Variants in ARHGEF4 observed in about 807,000 individuals in gnomAD.
The protein encoded by ARHGEF4 is Rho guanine nucleotide exchange factor 4.
A neutral mutation model predicts 162.0 loss-of-function variants in ARHGEF4; 119 were observed. The ratio of observed to expected loss-of-function variants is 0.73; its 90% CI spans 0.63 to 0.86. ARHGEF4 has a LOEUF of 0.86. Ranked by LOEUF, ARHGEF4 falls within the 40% of genes least tolerant of loss-of-function variation. The probability of loss-of-function intolerance (pLI) is 0.00; values close to 1 mark genes in which losing one functional copy is unlikely to be tolerated. For synonymous variants in ARHGEF4, 1,014 were observed against 979.9 expected, an observed-to-expected ratio of 1.03 and a Z score of -0.65; for missense variants, 2,488 against 2,456.0, an observed-to-expected ratio of 1.01 and a Z score of -0.28.
intron 4 of ARHGEF4, among the ~76,000 whole-genome samples, chr2:130,954,704 T>G (rs1427236569): frequency 6.6e-6 from 1 of 152,224 alleles, no homozygotes; most frequent in Non-Finnish European, 1.5e-5. Flanking sequence ...TATTCTCTTT[T>G]AGGATATTCC....
intron 4 of ARHGEF4, among the ~76,000 whole-genome samples, chr2:131,027,725 A>C (rs1027909301): frequency 6.6e-6 from 1 of 152,128 alleles, no homozygotes; most frequent in African/African-American, 2.4e-5. Context: ...AGACTGGGTG[A>C]TGGGTGACTA....
At chr2:130,963,710 C>T (rs1278393146) in intron 4 of ARHGEF4, 2 of 146,236 alleles carry the variant, frequency 1.4e-5, no homozygotes, top group South Asian at 4.2e-4. Flanking sequence ...CTGGGGTCGC[C>T]GTTGAGGCTC....
chr2:130,976,227 A>G (rs1013144056), intron 4 of ARHGEF4, among the ~76,000 whole-genome samples: 5 of 152,118 alleles, frequency 3.3e-5, no homozygotes, highest in Non-Finnish European at 5.9e-5. Context: ...AAGAGGGAAA[A>G]GGGATCCATG....
At chr2:130,951,709 A>G (rs1257986251) in intron 4 of ARHGEF4, among the ~76,000 whole-genome samples, 2 of 151,954 alleles carry the variant, frequency 1.3e-5, no homozygotes, top group Non-Finnish European at 2.9e-5. Flanking sequence ...TTTGTTTTTA[A>G]TGGTAGCTTT....
intron 4 of ARHGEF4, among the ~76,000 whole-genome samples, chr2:130,958,550 C>G (rs1684437549): frequency 6.6e-6 from 1 of 152,044 alleles, no homozygotes; most frequent in South Asian, 2.1e-4. Flanking sequence ...GCTGGGATTA[C>G]AGGTGTGTGC....
At chr2:131,022,670 A>C (rs1218585255) in intron 4 of ARHGEF4, among the ~76,000 whole-genome samples, 3 of 146,490 alleles carry the variant, frequency 2.0e-5, no homozygotes, top group Admixed American at 6.8e-5. Flanking sequence ...AAAAAAAAAA[A>C]ACAAAAACCC....
At chr2:130,892,416 C>A (rs1046689297) in intron 1 of ARHGEF4, among the ~76,000 whole-genome samples, 5 of 152,218 alleles carry the variant, frequency 3.3e-5, no homozygotes, top group African/African-American at 1.2e-4. Context: ...AGACTGCCCC[C>A]ACTTCAGACC....
At chr2:130,925,699 T>C (rs1179180755) in intron 2 of ARHGEF4, among the ~76,000 whole-genome samples, 1 of 152,212 alleles carries the variant, frequency 6.6e-6, no homozygotes, top group African/African-American at 2.4e-5. Context: ...AAAATGTTTT[T>C]CTCTTATAAG....
chr2:130,985,014 C>A (rs1186253106), intron 4 of ARHGEF4, among the ~76,000 whole-genome samples: 2 of 152,076 alleles, frequency 1.3e-5, no homozygotes, highest in South Asian at 4.1e-4. Flanking sequence ...AGGGTGCTCC[C>A]CCATCAAGCT....
chr2:131,040,178 C>A lies in ARHGEF4; in HGVS notation c.4468C>A (p.Arg1490Ser). 2 of 1,610,640 alleles carry A rather than the reference C, an allele frequency of 1.2e-6. No individual in the cohort carries two copies. Among genetic ancestry groups the A allele is most frequent in the Non-Finnish European group, 1.7e-6 (2 of 1,177,826 alleles). The change falls in exon 7 of 14, where the codon CGC (arginine) becomes AGC (serine). Residue 1490 changes from arginine to serine, a missense_variant. By Grantham distance (110) the Arg-to-Ser change is moderately radical. Around this residue, in one of 6 missense-constraint regions of ARHGEF4, gnomAD observed 174 missense variants for 148.3 expected, o/e 1.17. Coordinates refer to ENST00000409359, the MANE Select transcript of ARHGEF4 (RefSeq NM_001367493.1). ...STERDYIKHLRDICEGYVRQC... is the reference protein window; with the variant it reads ...STERDYIKHLSDICEGYVRQC... ...TGAGCGGGACTACATCAAGCACCTG[C>A]GCGACATCTGCGAGGTGAGGCCCGG...
intron 1 of ARHGEF4, among the ~76,000 whole-genome samples, chr2:130,881,690 A>G (rs1679198755): frequency 6.6e-6 from 1 of 152,020 alleles, no homozygotes; most frequent in Non-Finnish European, 1.5e-5. Flanking sequence ...GTAAGGAGGG[A>G]GCGCTCACTG....
Position 130,916,670 on chromosome 2 carries a change from G to C in ARHGEF4, c.2724G>C (p.Arg908Ser). The C allele has an allele frequency of 6.4e-7, 1 of 1,550,616 alleles. No homozygotes were observed. The highest frequency in any genetic ancestry group is 8.7e-7 in the Non-Finnish European group (1 of 1,147,000). Residue 908 changes from arginine (R) to serine (S), a missense_variant, in exon 2 of 14, where the codon AGG becomes AGC. Coordinates refer to ENST00000409359, the MANE Select transcript of ARHGEF4 (RefSeq NM_001367493.1). ...LKTTEKKLRA[R>S]LALAHKTFSN... ...CAACGGAGAAAAAACTCAGGGCAAG[G>C]TTGGCCTTGGCTCATAAGACCTTTT...
chr2:130,881,689 G>A (rs548083280), intron 1 of ARHGEF4, among the ~76,000 whole-genome samples: 6 of 152,102 alleles, frequency 3.9e-5, no homozygotes, highest in Non-Finnish European at 8.8e-5. Flanking sequence ...TGTAAGGAGG[G>A]AGCGCTCACT....
chr2:131,044,624 A>G (rs1419476404), intron 12 of ARHGEF4, 82 bp downstream of exon 12: 4 of 1,488,352 alleles, frequency 2.7e-6, no homozygotes, highest in Admixed American at 2.2e-5. Flanking sequence ...CGGTCAGGAG[A>G]GCGCCGCTCA....
intron 1 of ARHGEF4, among the ~76,000 whole-genome samples, chr2:130,881,895 C>T (rs1679214409): frequency 1.3e-5 from 2 of 152,026 alleles, no homozygotes; most frequent in South Asian, 4.1e-4. Context: ...TGGAGGCCCA[C>T]GCCAAGCTGG....
At chr2:130,877,152 C>T (rs1678904492) in intron 1 of ARHGEF4, among the ~76,000 whole-genome samples, 1 of 152,070 alleles carries the variant, frequency 6.6e-6, no homozygotes, top group South Asian at 2.1e-4. Flanking sequence ...AAGCGGTGCT[C>T]CCAGGGTAAG....
intron 1 of ARHGEF4, among the ~76,000 whole-genome samples, chr2:130,874,874 T>C (rs1184334916): frequency 6.6e-6 from 1 of 152,196 alleles, no homozygotes; most frequent in African/African-American, 2.4e-5. Context: ...CCATATAGTA[T>C]GTACCATTTT....
intron 1 of ARHGEF4, among the ~76,000 whole-genome samples, chr2:130,896,956 G>A (rs1327212739): frequency 2.6e-5 from 4 of 152,130 alleles, no homozygotes; most frequent in African/African-American, 9.7e-5. Context: ...GCATGTGGTC[G>A]CTACTAAGTT....
At chr2:130,904,749 G>A (rs1005487913) in intron 1 of ARHGEF4, among the ~76,000 whole-genome samples, 6 of 149,886 alleles carry the variant, frequency 4.0e-5, no homozygotes, top group African/African-American at 1.2e-4. Flanking sequence ...ACTGTTTTAT[G>A]TGGCAATTAG....
Sources: allele counts gnomAD v4.1 joint callset (sites outside exome capture counted in the v4.1 genomes callset), GRCh38; gene constraint gnomAD v4.1.1; regional missense constraint gnomAD v4.1.1; transcripts MANE v1.5; gene names NCBI Gene and HGNC (gene_info 2026-07-23, HGNC 2026-07-21).